The following GOSR2 variants were observed in gnomAD, a reference collection of about 807,000 sequenced individuals.
The protein encoded by GOSR2 is 27 kDa Golgi SNARE protein.
In GOSR2, 20 loss-of-function variants were observed where a neutral mutation model predicts 27.9. The observed-to-expected ratio is 0.72, with a 90% CI of 0.50 to 1.04. GOSR2 has a LOEUF of 1.04. Among genes scored for constraint, GOSR2 ranks in the 50% least tolerant of loss-of-function variants. GOSR2 has a pLI of 0.00. For missense variants in GOSR2, 261 were observed against 270.5 expected (o/e 0.97, Z 0.25); for synonymous variants, 91 against 98.8 (o/e 0.92, Z 0.47).
chr17:46,969,834 A>T (rs2091372568), downstream of GOSR2, among the ~76,000 whole-genome samples: 1 of 152,108 alleles, frequency 6.6e-6, no homozygotes, highest in African/African-American at 2.4e-5. Context: ...CTCCCATTGC[A>T]AGAGAGGTGC....
chr17:46,932,818 G>C (rs1166390016), intron 4 of GOSR2: 1 of 157,680 alleles, frequency 6.3e-6, no homozygotes, highest in Non-Finnish European at 1.4e-5. Context: ...AGAACATACT[G>C]GCCTTTTCTG....
At chr17:46,938,289 A>T (rs2088748549) in intron 5 of GOSR2, among the ~76,000 whole-genome samples, 2 of 152,176 alleles carry the variant, frequency 1.3e-5, no homozygotes, top group African/African-American at 4.8e-5. Flanking sequence ...TTGAGGTTCA[A>T]TTTTTACACA....
chr17:46,948,079 A>G lies in GOSR2; in HGVS notation c.583+9375A>G, dbSNP rs543307246. Among the ~76,000 whole-genome samples the G allele has an allele frequency of 6.6e-5, 10 of 152,192 alleles. 1 individual carries two copies. In the South Asian group the frequency reaches 2.1e-3, roughly 32 times the overall value. ...AGCCACCGCGCCCAGCCTAGAAGTG[A>G]TTTTTGTCAGGAGACAGAAGACCTT... is the stretch of plus-strand genomic sequence containing the variant. On this transcript the variant is annotated intron_variant, in intron 6 of 6. Transcript: ENST00000573224.
downstream of GOSR2, among the ~76,000 whole-genome samples, chr17:46,946,282 C>CAAAAAAAAAAAAAA (rs58163051): frequency 7.9e-6 from 1 of 126,688 alleles, no homozygotes; most frequent in Non-Finnish European, 1.6e-5. Flanking sequence ...CTAAAAATAC[C>CAAAAAAAAAAAAAA]AAAAAAAAAA....
intron 6 of GOSR2, among the ~76,000 whole-genome samples, chr17:46,957,774 G>A (rs1225048144): frequency 1.3e-5 from 2 of 152,216 alleles, no homozygotes; most frequent in African/African-American, 2.4e-5. Context: ...GGTAGAAGCA[G>A]CGATGGGGAA....
At chr17:46,960,745 C>T (rs1360646574) in intron 6 of GOSR2, among the ~76,000 whole-genome samples, 1 of 152,014 alleles carries the variant, frequency 6.6e-6, no homozygotes, top group Non-Finnish European at 1.5e-5. Flanking sequence ...GTGTGAGAAG[C>T]CAGATGGAAA....
At chr17:46,952,642 A>T (rs1000761148) in intron 6 of GOSR2, 1 of 152,166 alleles carries the variant, frequency 6.6e-6, no homozygotes, top group Admixed American at 6.5e-5. Context: ...AGACATCTTA[A>T]CCTGAAGGCT....
intron 6 of GOSR2, among the ~76,000 whole-genome samples, chr17:46,962,843 A>G (rs1483282767): frequency 1.3e-5 from 2 of 152,250 alleles, no homozygotes; most frequent in Non-Finnish European, 2.9e-5. Context: ...TTCTGGGAGT[A>G]GTTATGCAGT....
intron 6 of GOSR2, among the ~76,000 whole-genome samples, chr17:46,961,863 A>G (rs1182941699): frequency 2.0e-5 from 3 of 152,238 alleles, no homozygotes; most frequent in African/African-American, 7.2e-5. Flanking sequence ...CTGTGAGATG[A>G]CACAGGAGAA....
intron 5 of GOSR2, chr17:46,935,561 C>T (rs1004137772): frequency 5.0e-6 from 6 of 1,199,400 alleles, no homozygotes; most frequent in South Asian, 2.4e-5. Context: ...TCCCTTAGGA[C>T]CCCTACTGTG....
Position 46,940,736 on chromosome 17 carries a change from A to G in GOSR2, c.*1976A>G. 1 of 1,583,352 alleles carries G rather than the reference A, an allele frequency of 6.3e-7. No individual in the cohort carries two copies. The highest frequency in any genetic ancestry group is 8.6e-7 in the Non-Finnish European group (1 of 1,168,824). On this transcript the variant is annotated 3_prime_UTR_variant, in exon 6 of 6. Coordinates refer to ENST00000640051, the MANE Select transcript of GOSR2 (RefSeq NM_004287.5). ...ACTTGACAGTGGTTGGCTTTGATGA[A>G]CCCTCATGCTGCACCTTCAGAGCCA... is the stretch of plus-strand genomic sequence containing the variant.
chr17:46,939,494 C>G lies in GOSR2; in HGVS notation c.*734C>G, dbSNP rs1049522134. On this transcript the variant is annotated 3_prime_UTR_variant, in exon 6 of 6. Transcript: ENST00000640051. ...TTCTAGTTGTTAATAGAGTGGTTGG[C>G]TTTTAAGGTTCAGAGACTGTGGCTT... 2.0e-6 allele frequency: 2 copies of G among 986,204 alleles called. No individual in the cohort carries two copies. Among genetic ancestry groups the G allele is most frequent in the African/African-American group, 3.5e-5 (2 of 57,246 alleles). The allele number at this position is 986,204 out of a possible 1,614,324, so 61.1% of individuals were successfully genotyped here. A position where few individuals can be genotyped will look rare whatever the true frequency, so the allele number is the denominator to read the frequency against.
chr17:46,956,700 C>T (rs1268598102), intron 6 of GOSR2, among the ~76,000 whole-genome samples: 2 of 152,158 alleles, frequency 1.3e-5, no homozygotes, highest in Non-Finnish European at 2.9e-5. Context: ...GCTGAGGGGG[C>T]GGCCATGTGT....
intron 6 of GOSR2, among the ~76,000 whole-genome samples, chr17:46,947,443 C>T (rs736604): frequency 0.44 from 66,480 of 152,022 alleles, 14,947 homozygotes; most frequent in South Asian, 0.52. Context: ...TCAGAGCTCC[C>T]TACAACTTAC....
Position 46,929,970 on chromosome 17 carries a change from C to T in GOSR2, c.94+386C>T, listed in dbSNP as rs187447235. 51 of 177,770 alleles carry T rather than the reference C, an allele frequency of 2.9e-4. 1 individual carries two copies. In the East Asian group the frequency reaches 5.7e-3, roughly 20 times the overall value. 11.0% of individuals were successfully genotyped at this position (177,770 alleles called of 1,614,324 possible). A position where few individuals can be genotyped will look rare whatever the true frequency, so the allele number is the denominator to read the frequency against. ...GCTTTTTAGGAGGATTATTCAGAAACGAACAGCAATATTAATTAGTTTAGT... is the reference window on the plus strand; with the variant it reads ...GCTTTTTAGGAGGATTATTCAGAAATGAACAGCAATATTAATTAGTTTAGT... On this transcript the variant is annotated intron_variant, in intron 2 of 5. Coordinates refer to ENST00000640051, the MANE Select transcript of GOSR2 (RefSeq NM_004287.5).
In GOSR2 at chr17:46,940,664, G is replaced by A. The variant is rs746086938; in HGVS notation, c.*1904G>A. 9 of 1,613,116 alleles carry A rather than the reference G, an allele frequency of 5.6e-6. No individual in the cohort carries two copies. Among genetic ancestry groups the A allele is most frequent in the South Asian group, 1.1e-5 (1 of 91,074 alleles). On this transcript the variant is annotated 3_prime_UTR_variant, in exon 6 of 6. Coordinates refer to ENST00000640051, the MANE Select transcript of GOSR2 (RefSeq NM_004287.5). ...GCAGAAGTCCCCGCACCCATCATGCGTGGACTGATAGGACATCTTTTCGTG... is the reference window on the plus strand; with the variant it reads ...GCAGAAGTCCCCGCACCCATCATGCATGGACTGATAGGACATCTTTTCGTG...
chr17:46,953,202 C>T (rs1055021199), intron 6 of GOSR2, among the ~76,000 whole-genome samples: 1 of 151,992 alleles, frequency 6.6e-6, no homozygotes, highest in Non-Finnish European at 1.5e-5. Context: ...CCCCACTCCC[C>T]CCACCCCACA....
chr17:46,948,036 G>T (rs974064819), intron 6 of GOSR2, among the ~76,000 whole-genome samples: 5 of 152,338 alleles, frequency 3.3e-5, no homozygotes, highest in South Asian at 2.1e-4. Context: ...TTCCCAAAGT[G>T]CTGGGATTAC....
chr17:46,966,637 C>T (rs1463018204), exon 7 of GOSR2: 7 of 635,474 alleles, frequency 1.1e-5, no homozygotes, highest in Non-Finnish European at 2.0e-5. Context: ...GTATGAGCCA[C>T]CACCCTGACC....
Sources: allele counts gnomAD v4.1 joint callset (sites outside exome capture counted in the v4.1 genomes callset), GRCh38; gene constraint gnomAD v4.1.1; transcripts MANE v1.5; gene names NCBI Gene and HGNC (gene_info 2026-07-23, HGNC 2026-07-21).